DMC1: variants seen among roughly 807,000 people sequenced by gnomAD.
DMC1 encodes the protein DNA meiotic recombinase 1, also known as meiotic recombination protein DMC1 homolog.
DMC1 carries 27 observed loss-of-function variants against 50.1 expected under a neutral mutation model. That is an observed-to-expected ratio of 0.54 (90% CI 0.40 to 0.74). The LOEUF is 0.74. Among genes scored for constraint, DMC1 ranks in the 30% least tolerant of loss-of-function variants. The pLI, the probability that DMC1 is intolerant of heterozygous loss-of-function variation, is 0.00. For synonymous variants in DMC1, 148 were observed against 136.1 expected (o/e 1.09, Z -0.61); for missense variants, 295 against 420.2 (o/e 0.70, Z 2.60).
At chr22:38,548,191 G>A (rs775397490) in intron 8 of DMC1, among the ~76,000 whole-genome samples, 9 of 151,580 alleles carry the variant, frequency 5.9e-5, no homozygotes, top group Non-Finnish European at 1.0e-4. Context: ...TGGTTAATTC[G>A]TCCATATTTC....
chr22:38,561,325 A>C (rs2090525472), intron 5 of DMC1, among the ~76,000 whole-genome samples: 1 of 151,946 alleles, frequency 6.6e-6, no homozygotes, highest in African/African-American at 2.4e-5. Context: ...ATGTCTTTTA[A>C]ATCTCTTTAA....
intron 8 of DMC1, among the ~76,000 whole-genome samples, chr22:38,547,980 C>A (rs11570419): frequency 0.022 from 3,396 of 152,288 alleles, 51 homozygotes; most frequent in Middle Eastern, 0.051. Flanking sequence ...AGGCTGTATC[C>A]TCAAAATCCG....
intron 8 of DMC1, among the ~76,000 whole-genome samples, chr22:38,539,933 AAT>A (rs1475616757): frequency 1.2e-4 from 18 of 152,254 alleles, no homozygotes; most frequent in Admixed American, 1.1e-3. Context: ...CTCAATATGA[AAT>A]AGTTTATTAT....
intron 12 of DMC1, among the ~76,000 whole-genome samples, chr22:38,526,395 A>G (rs935573088): frequency 1.3e-5 from 2 of 151,820 alleles, no homozygotes; most frequent in Non-Finnish European, 2.9e-5. Flanking sequence ...TTTTTAGTAG[A>G]GACGGGGTTT....
intron 8 of DMC1, among the ~76,000 whole-genome samples, chr22:38,546,869 G>A (rs970336927): frequency 4.6e-5 from 7 of 152,136 alleles, no homozygotes; most frequent in Non-Finnish European, 1.0e-4. Context: ...CCAAGAGTGA[G>A]AGCAAAATAA....
At chr22:38,510,285 C>T in the DMC1 span, among the ~76,000 whole-genome samples, 2 of 152,072 alleles carry the variant, frequency 1.3e-5, no homozygotes, top group African/African-American at 4.8e-5. Flanking sequence ...GAAACCCCGT[C>T]TCTACTAAAA....
chr22:38,514,182 G>A (rs2089960381), downstream of DMC1, among the ~76,000 whole-genome samples: 2 of 149,792 alleles, frequency 1.3e-5, no homozygotes, highest in Non-Finnish European at 3.0e-5. Flanking sequence ...ATTCCATCTT[G>A]AATAGTGGCT....
At chr22:38,551,822 T>C (rs988334987) in intron 7 of DMC1, among the ~76,000 whole-genome samples, 3 of 151,786 alleles carry the variant, frequency 2.0e-5, no homozygotes, top group African/African-American at 7.3e-5. Flanking sequence ...AGAACCAGGA[T>C]TGAAGTCCGG....
intron 9 of DMC1, 151 bp from the exon 10 acceptor site, chr22:38,538,763 G>A: frequency 1.3e-6 from 1 of 776,982 alleles, no homozygotes; most frequent in Non-Finnish European, 2.2e-6. Context: ...AGCAGGGCAT[G>A]GTGGCTCATG....
At chr22:38,521,848 G>T in intron 12 of DMC1, 124 bp from the exon 13 acceptor site, 1 of 766,420 alleles carries the variant, frequency 1.3e-6, no homozygotes, top group Non-Finnish European at 2.3e-6. Context: ...TTCTAAACAA[G>T]CAGAGGCTTG....
chr22:38,532,908 G>A (rs763849504), intron 12 of DMC1, among the ~76,000 whole-genome samples: 7 of 152,012 alleles, frequency 4.6e-5, no homozygotes, highest in African/African-American at 1.4e-4. Flanking sequence ...GTGCTTGGCC[G>A]AGGCCAGGAT....
intron 4 of DMC1, among the ~76,000 whole-genome samples, chr22:38,564,656 T>A (rs898563841): frequency 6.6e-6 from 1 of 152,170 alleles, no homozygotes; most frequent in Non-Finnish European, 1.5e-5. Context: ...AATAAACAGT[T>A]TAAGCTAAGA....
downstream of DMC1, among the ~76,000 whole-genome samples, chr22:38,514,347 C>T (rs529050020): frequency 2.1e-5 from 3 of 145,998 alleles, no homozygotes; most frequent in East Asian, 4.1e-4. Flanking sequence ...CGGGTTCAAG[C>T]GATTCTTCTG....
chr22:38,515,696 G>A (rs1334591799), downstream of DMC1, among the ~76,000 whole-genome samples: 2 of 151,978 alleles, frequency 1.3e-5, no homozygotes, highest in Non-Finnish European at 2.9e-5. Flanking sequence ...CTACTTGGGA[G>A]GCTGAGGTAG....
At chr22:38,521,461 T>C (rs1312028123) in intron 13 of DMC1, 147 bp downstream of exon 13, 9 of 605,964 alleles carry the variant, frequency 1.5e-5, no homozygotes, top group Admixed American at 2.3e-5. Context: ...CCCAGCACTT[T>C]GGGAGCCCAA....
intron 6 of DMC1, among the ~76,000 whole-genome samples, chr22:38,555,084 C>T (rs375784313): frequency 7.2e-5 from 10 of 139,452 alleles, no homozygotes; most frequent in East Asian, 4.1e-4. Flanking sequence ...AGCGAGACTC[C>T]GTCTCAAAAA....
At chr22:38,538,087 T>C (rs1260652552) in intron 11 of DMC1, among the ~76,000 whole-genome samples, 1 of 151,824 alleles carries the variant, frequency 6.6e-6, no homozygotes, top group Non-Finnish European at 1.5e-5. Context: ...GAGGTTGCAG[T>C]GAGCCGAGAT....
intron 12 of DMC1, among the ~76,000 whole-genome samples, chr22:38,533,833 A>C (rs541460363): frequency 4.8e-4 from 73 of 152,236 alleles, no homozygotes; most frequent in Non-Finnish European, 8.2e-4. Flanking sequence ...CATCATGTGA[A>C]TATCATCTTA....
Position 38,519,887 on chromosome 22 carries a change from A to G in DMC1, c.*133T>C. ...GACTTTTAAGATAAATATAAGATTT[A>G]AATCTCTTTGCTGACTTTTCTTTAG... On this transcript the variant is annotated 3_prime_UTR_variant, in exon 14 of 14. Coordinates refer to ENST00000216024, the MANE Select transcript of DMC1 (RefSeq NM_007068.4). 1.4e-6 allele frequency: 1 copy of G among 702,100 alleles called. No individual in the cohort carries two copies. Among genetic ancestry groups the G allele is most frequent in the South Asian group, 1.5e-5 (1 of 66,970 alleles). 43.5% of individuals were successfully genotyped at this position (702,100 alleles called of 1,614,324 possible).
Sources: gnomAD v4.1 joint callset for allele counts (sites outside exome capture counted in the v4.1 genomes callset) on GRCh38, gnomAD v4.1.1 for gene constraint, MANE v1.5 for transcripts, NCBI Gene and HGNC (gene_info 2026-07-23, HGNC 2026-07-21) for gene names.